The following FLOT2 variants were observed in gnomAD, a reference collection of about 807,000 sequenced individuals.
FLOT2 encodes flotillin 2.
FLOT2 carries 35 observed loss-of-function variants against 54.9 expected under a neutral mutation model. The ratio of observed to expected loss-of-function variants is 0.64; its 90% confidence interval spans 0.49 to 0.84. The LOEUF (loss-of-function observed/expected upper bound fraction) is 0.84. FLOT2 is among the 40% of genes least tolerant of loss of function. The probability of loss-of-function intolerance (pLI) is 0.00; values close to 1 mark genes in which losing one functional copy is unlikely to be tolerated. For missense variants in FLOT2, 464 were observed against 572.1 expected, an observed-to-expected ratio of 0.81 and a Z score of 1.93; for synonymous variants, 207 against 228.9, an observed-to-expected ratio of 0.90 and a Z score of 0.86.
At position 28,894,467 on chromosome 17, in the gene FLOT2, T is replaced by C. The variant is rs561484030; in HGVS notation, c.49+3059A>G. Among the ~76,000 whole-genome samples, 7 of 151,978 alleles carry C rather than the reference T, an allele frequency of 4.6e-5. No individual in the cohort carries two copies. The South Asian group carries it at 1.5e-3, about 32-fold the overall frequency. ...GGTGAAACCCTGTCTCTACTAAAAA[T>C]ATAAAAATTAGCTGGGCACTGTGGC... On this transcript the variant is annotated intron_variant, in intron 1 of 10. Coordinates refer to ENST00000394908, the MANE Select transcript of FLOT2 (RefSeq NM_004475.3).
Position 28,880,502 on chromosome 17 carries a change from A to T in FLOT2, c.*59T>A. 1 of 1,592,706 alleles carries T rather than the reference A, an allele frequency of 6.3e-7. No individual in the cohort carries two copies. The highest frequency in any genetic ancestry group is 8.6e-7 in the Non-Finnish European group (1 of 1,169,422). On this transcript the variant is annotated 3_prime_UTR_variant, in exon 11 of 11. Coordinates refer to ENST00000394908, the MANE Select transcript of FLOT2 (RefSeq NM_004475.3). The stretch of plus-strand genomic sequence containing the variant: ...AACGTTCCCGTTGTTCTGTGGGATT[A>T]AAACGGGTGCTGGAGGGAGGGCCGG...
In FLOT2 at chr17:28,897,604, C is replaced by A. The variant is rs748844016; in HGVS notation, c.-30G>T. On this transcript the variant is annotated 5_prime_UTR_variant, in exon 1 of 11. Transcript: ENST00000394908. The surrounding 1 kb of genome is among the most constrained non-coding windows in gnomAD (Gnocchi z 4.4). Reference sequence around the variant, plus strand: ...CCGGCGGCACGGAGGGCCCTCGGGACCGCACAGACCCGGACAACAGCAGCG... The same window carrying A: ...CCGGCGGCACGGAGGGCCCTCGGGAACGCACAGACCCGGACAACAGCAGCG... 3.9e-6 allele frequency: 6 copies of A among 1,551,614 alleles called. No individual in the cohort carries two copies. The highest frequency in any genetic ancestry group is 1.4e-5 in the African/African-American group (1 of 71,336).
At position 28,882,712 on chromosome 17, in the gene FLOT2, G is replaced by C; in HGVS notation, c.347-21C>G. On this transcript the variant is annotated intron_variant, in intron 4 of 10. Coordinates refer to ENST00000394908, the MANE Select transcript of FLOT2 (RefSeq NM_004475.3). This position sits in a 1 kb window ranked among gnomAD's most constrained non-coding sequence, Gnocchi z 5.6. ...GGTCCCTGGGGGCAGAGGGATCAAG[G>C]GCTGGCTCCCCAGGGACCCAGCCAG... is the stretch of plus-strand genomic sequence containing the variant. The C allele has an allele frequency of 6.5e-7, 1 of 1,537,852 alleles. No homozygotes were observed. The highest frequency in any genetic ancestry group is 1.1e-5 in the South Asian group (1 of 89,596).
rs1250959469 is a variant in FLOT2 at position 28,884,685 on chromosome 17, G to A, written c.132-370C>T. 6.6e-6 allele frequency among the ~76,000 whole-genome samples: 1 copy of A among 152,204 alleles called. No individual in the cohort carries two copies. The highest frequency in any genetic ancestry group is 2.4e-5 in the African/African-American group (1 of 41,450). On this transcript the variant is annotated intron_variant, in intron 2 of 10. Transcript: ENST00000394908. The surrounding 1 kb of genome is among the most constrained non-coding windows in gnomAD (Gnocchi z 5.1). The stretch of plus-strand genomic sequence containing the variant: ...AGTCAGTGCTGGTCCTCCCGGCCCT[G>A]CTGTGCAGGCCATCCGTGGATGTCA...
chr17:28,885,368 C>T (rs1356195556), intron 2 of FLOT2, among the ~76,000 whole-genome samples: 4 of 152,150 alleles, frequency 2.6e-5, no homozygotes, highest in African/African-American at 9.7e-5. Flanking sequence ...AGGCCTCTTC[C>T]AGGCTGGGAA....
intron 2 of FLOT2, among the ~76,000 whole-genome samples, chr17:28,885,425 G>A (rs186379378): frequency 2.3e-4 from 35 of 152,294 alleles, no homozygotes; most frequent in African/African-American, 7.9e-4. Flanking sequence ...TTTATTGTTC[G>A]CTCCTGCAGT....
At chr17:28,881,441 G>A in intron 8 of FLOT2, 66 bp from the exon 9 acceptor site, 1 of 1,525,110 alleles carries the variant, frequency 6.6e-7, no homozygotes, top group Non-Finnish European at 9.0e-7. Flanking sequence ...CTTGCCTGGG[G>A]GCCAGCAAAC....
Position 28,882,118 on chromosome 17 carries a change from C to T in FLOT2, c.699G>A (p.Lys233=), listed in dbSNP as rs1297630144. 4.3e-6 allele frequency: 7 copies of T among 1,614,158 alleles called. No individual in the cohort carries two copies. The highest frequency in any genetic ancestry group is 5.9e-6 in the Non-Finnish European group (7 of 1,180,006). ...KSAFSEEVNI[K]TAEAQLAYEL... Reference sequence around the variant, plus strand: ...CCCAGGATGTCCTCAGGCTGCTCACCTTGATGTTAACCTCCTCACTGAAGG... The same window carrying T: ...CCCAGGATGTCCTCAGGCTGCTCACTTTGATGTTAACCTCCTCACTGAAGG... Residue 233 remains lysine, a splice_region_variant and synonymous_variant, in exon 7 of 11, where the codon AAG becomes AAA. Transcript: ENST00000394908. The surrounding 1 kb of genome is among the most constrained non-coding windows in gnomAD (Gnocchi z 5.6).
Position 28,897,663 on chromosome 17 carries a change from G to C in FLOT2, c.-89C>G. Reference sequence around the variant, plus strand: ...GCGCCGGCCGCGCCCAGCCTATCCCGCCACCCCCAGCGGCCGGCCGCCCGC... The same window carrying C: ...GCGCCGGCCGCGCCCAGCCTATCCCCCCACCCCCAGCGGCCGGCCGCCCGC... On this transcript the variant is annotated 5_prime_UTR_variant, in exon 1 of 11. Coordinates refer to ENST00000394908, the MANE Select transcript of FLOT2 (RefSeq NM_004475.3). The surrounding 1 kb of genome is among the most constrained non-coding windows in gnomAD (Gnocchi z 4.4). 1 of 1,163,578 alleles carries C rather than the reference G, an allele frequency of 8.6e-7. No individual in the cohort carries two copies. Among genetic ancestry groups the C allele is most frequent in the Non-Finnish European group, 1.1e-6 (1 of 906,874 alleles). The allele number at this position is 1,163,578 out of a possible 1,614,324, so 72.1% of individuals were successfully genotyped here. A position where few individuals can be genotyped will look rare whatever the true frequency, so the allele number is the denominator to read the frequency against.
rs199987008 is a variant in FLOT2 at position 28,883,270 on chromosome 17, C to T, written c.223-39G>A. ...CAAAGGCGCTTCAGCTAGGCTGGAG[C>T]GAGGCAGACAAAGGCCCCAGACCCA... is the stretch of plus-strand genomic sequence containing the variant. On this transcript the variant is annotated intron_variant, in intron 3 of 10. Transcript: ENST00000394908. The surrounding 1 kb of genome is among the most constrained non-coding windows in gnomAD (Gnocchi z 5.0). 202 of 1,612,286 alleles carry T rather than the reference C, an allele frequency of 1.3e-4. No homozygotes were observed. In the African/African-American group the frequency reaches 1.4e-3, roughly 11 times the overall value.
intron 1 of FLOT2, among the ~76,000 whole-genome samples, chr17:28,890,319 C>T (rs1011396401): frequency 1.3e-5 from 2 of 152,176 alleles, no homozygotes; most frequent in Non-Finnish European, 2.9e-5. Context: ...CAGCCACAAC[C>T]CAGATCCATG....
chr17:28,884,502 G>A lies in FLOT2; in HGVS notation c.132-187C>T, dbSNP rs1020221503. Among the ~76,000 whole-genome samples, 2 of 152,164 alleles carry A rather than the reference G, an allele frequency of 1.3e-5. No individual in the cohort carries two copies. Among genetic ancestry groups the A allele is most frequent in the Admixed American group, 6.5e-5 (1 of 15,288 alleles). On this transcript the variant is annotated intron_variant, in intron 2 of 10. Transcript: ENST00000394908. The surrounding 1 kb of genome is among the most constrained non-coding windows in gnomAD (Gnocchi z 5.1). The stretch of plus-strand genomic sequence containing the variant: ...CACGAGGGCAGGGTGGGTGCAGGTG[G>A]CCCCAGGGGAAGGAGTGGAAGTGGG...
chr17:28,881,494 T>G, intron 8 of FLOT2, 119 bp from the exon 9 acceptor site: 1 of 1,060,084 alleles, frequency 9.4e-7, no homozygotes, highest in Non-Finnish European at 1.4e-6. Flanking sequence ...TGGGAGACAT[T>G]GGAACGGAGT....
chr17:28,881,380 G>C lies in FLOT2; in HGVS notation c.915-5C>G. 1 of 1,609,746 alleles carries C rather than the reference G, an allele frequency of 6.2e-7. No homozygotes were observed. Among genetic ancestry groups the C allele is most frequent in the African/African-American group, 1.3e-5 (1 of 75,056 alleles). On this transcript the variant is annotated splice_polypyrimidine_tract_variant and splice_region_variant and intron_variant, in intron 8 of 10. Transcript: ENST00000394908. ...GCCAAGAGGACCTGCTTCACCCTGGGGGAGCCCAGGCCAGTTAGGATCAGT... is the reference window on the plus strand; with the variant it reads ...GCCAAGAGGACCTGCTTCACCCTGGCGGAGCCCAGGCCAGTTAGGATCAGT...
At chr17:28,891,946 T>C (rs1185776738) in intron 1 of FLOT2, among the ~76,000 whole-genome samples, 2 of 152,194 alleles carry the variant, frequency 1.3e-5, no homozygotes, top group African/African-American at 4.8e-5. Context: ...TCTGCTGCCA[T>C]GCGTGAAGTT....
chr17:28,884,329 CA>C lies in FLOT2; in HGVS notation c.132-15del. 6.3e-7 allele frequency: 1 copy of C among 1,583,638 alleles called. No homozygotes were observed. The highest frequency in any genetic ancestry group is 8.6e-7 in the Non-Finnish European group (1 of 1,156,850). On this transcript the variant is annotated splice_polypyrimidine_tract_variant and intron_variant, in intron 2 of 10. Coordinates refer to ENST00000394908, the MANE Select transcript of FLOT2 (RefSeq NM_004475.3). The surrounding 1 kb of genome is among the most constrained non-coding windows in gnomAD (Gnocchi z 5.1). ...TCTAGGGAAATCCTGCCAAGAAACG[CA>C]AAACAGGGGCATGGGTCTGGGGGCG... is the stretch of plus-strand genomic sequence containing the variant.
chr17:28,885,622 G>A lies in FLOT2; in HGVS notation c.132-1307C>T, dbSNP rs114109876. 837 of 717,496 alleles carry A rather than the reference G, an allele frequency of 1.2e-3. 5 individuals are homozygous for A. In the African/African-American group the frequency reaches 0.014, roughly 12 times the overall value. 44.4% of individuals were successfully genotyped at this position (717,496 alleles called of 1,614,324 possible). On this transcript the variant is annotated intron_variant, in intron 2 of 10. Coordinates refer to ENST00000394908, the MANE Select transcript of FLOT2 (RefSeq NM_004475.3). ...TCCAGGGACACTCACTGGCAGACTTGGCAGAGCTTCCAGAATCCCTTGCTG... is the reference window on the plus strand; with the variant it reads ...TCCAGGGACACTCACTGGCAGACTTAGCAGAGCTTCCAGAATCCCTTGCTG...
chr17:28,894,381 T>C (rs2039705771), intron 1 of FLOT2, among the ~76,000 whole-genome samples: 1 of 152,036 alleles, frequency 6.6e-6, no homozygotes. Context: ...CCCAGCACTT[T>C]GGGAGGCCGA....
At chr17:28,886,055 G>T in intron 2 of FLOT2, 1 of 600,564 alleles carries the variant, frequency 1.7e-6, no homozygotes, top group Non-Finnish European at 3.0e-6. Flanking sequence ...TGACGCCTGG[G>T]GGCGGGGGGG....
Sources: allele counts gnomAD v4.1 joint callset (sites outside exome capture counted in the v4.1 genomes callset), GRCh38; gene constraint gnomAD v4.1.1; non-coding constraint Gnocchi (gnomAD v3.1); transcripts MANE v1.5; gene names NCBI Gene and HGNC (gene_info 2026-07-23, HGNC 2026-07-21).